Variants in RPS6KA2 observed in about 807,000 individuals in gnomAD.
RPS6KA2 encodes the protein ribosomal protein S6 kinase A2.
Under a neutral mutation model 91.8 loss-of-function variants are expected in RPS6KA2, and 42 were observed. That is an observed-to-expected ratio of 0.46 (90% CI 0.36 to 0.59). RPS6KA2 has a LOEUF of 0.59. Ranked by LOEUF, RPS6KA2 falls within the 20% of genes least tolerant of loss-of-function variation. RPS6KA2 has a pLI of 0.00. For missense variants in RPS6KA2, 798 were observed against 978.5 expected (o/e 0.82, Z 2.46); for synonymous variants, 414 against 393.6 (o/e 1.05, Z -0.61).
chr6:166,468,866 A>AAAAAAG, intron 11 of RPS6KA2, among the ~76,000 whole-genome samples: 1 of 151,684 alleles, frequency 6.6e-6, no homozygotes, highest in African/African-American at 2.4e-5. Flanking sequence ...TAAAAAAAAA[A>AAAAAAG]AAAAAAAGAA....
chr6:166,804,095 T>C (rs1022883053), intron 2 of RPS6KA2, among the ~76,000 whole-genome samples: 5 of 152,150 alleles, frequency 3.3e-5, no homozygotes, highest in African/African-American at 7.2e-5. Flanking sequence ...CCTTAATTCA[T>C]AATTCTATAA....
At chr6:166,812,337 C>A (rs1779658060) in intron 2 of RPS6KA2, among the ~76,000 whole-genome samples, 1 of 152,186 alleles carries the variant, frequency 6.6e-6, no homozygotes, top group South Asian at 2.1e-4. Context: ...GCCTGGGCGA[C>A]AGAGTGAGAC....
chr6:166,817,402 AACAC>A (rs5881717), intron 2 of RPS6KA2, among the ~76,000 whole-genome samples: 94,615 of 151,182 alleles, frequency 0.63, 30,967 homozygotes, highest in Non-Finnish European at 0.74. Flanking sequence ...CACGCATGTA[AACAC>A]ACACACACAC....
intron 1 of RPS6KA2, among the ~76,000 whole-genome samples, chr6:166,553,323 T>C (rs1784074523): frequency 6.6e-6 from 1 of 152,044 alleles, no homozygotes; most frequent in Non-Finnish European, 1.5e-5. Context: ...GTGGTCTCAC[T>C]ATGTTGCCCA....
chr6:166,568,492 C>A (rs1276156042), intron 1 of RPS6KA2, among the ~76,000 whole-genome samples: 2 of 152,024 alleles, frequency 1.3e-5, no homozygotes, highest in African/African-American at 4.8e-5. Context: ...TGGCAGGCAC[C>A]TGTAGTCCCA....
At chr6:166,521,136 T>C (rs918020427) in intron 3 of RPS6KA2, among the ~76,000 whole-genome samples, 1 of 152,242 alleles carries the variant, frequency 6.6e-6, no homozygotes, top group Non-Finnish European at 1.5e-5. Flanking sequence ...TGGCAGTGAC[T>C]GTGTGGTTCT....
At chr6:166,858,178 G>A (rs765803820) in intron 2 of RPS6KA2, 7 of 1,391,368 alleles carry the variant, frequency 5.0e-6, no homozygotes, top group Non-Finnish European at 6.2e-6. Flanking sequence ...AAAGCAGAGT[G>A]TAATAAAACG....
intron 2 of RPS6KA2, among the ~76,000 whole-genome samples, chr6:166,827,333 G>C (rs1042451161): frequency 2.7e-5 from 4 of 150,064 alleles, no homozygotes; most frequent in Non-Finnish European, 4.4e-5. Flanking sequence ...TCCAACCTCG[G>C]ACTGTAGGAA....
chr6:166,854,356 C>A (rs1780829208), intron 2 of RPS6KA2, among the ~76,000 whole-genome samples: 2 of 152,210 alleles, frequency 1.3e-5, no homozygotes, highest in Admixed American at 1.3e-4. Context: ...TGAGCTATCC[C>A]AAATGCCTTC....
intron 1 of RPS6KA2, among the ~76,000 whole-genome samples, chr6:166,605,165 C>A (rs911992771): frequency 6.6e-6 from 1 of 152,214 alleles, no homozygotes; most frequent in African/African-American, 2.4e-5. Context: ...TGCACAGGGG[C>A]CCTGGCCCCC....
intron 1 of RPS6KA2, among the ~76,000 whole-genome samples, chr6:166,556,042 A>C (rs1278256309): frequency 6.6e-6 from 1 of 152,154 alleles, no homozygotes; most frequent in Non-Finnish European, 1.5e-5. Flanking sequence ...CTGGGGTAAG[A>C]AGATGCAATT....
chr6:166,722,345 A>G (rs1790200450), intron 2 of RPS6KA2, among the ~76,000 whole-genome samples: 1 of 152,264 alleles, frequency 6.6e-6, no homozygotes, highest in African/African-American at 2.4e-5. Flanking sequence ...AAGGCGGGTC[A>G]GACACTCAAC....
At chr6:166,594,757 C>T (rs1424128173) in intron 1 of RPS6KA2, among the ~76,000 whole-genome samples, 1 of 152,134 alleles carries the variant, frequency 6.6e-6, no homozygotes, top group East Asian at 1.9e-4. Context: ...CCACTGCGCC[C>T]AGCCCAAACA....
rs544562638 is a variant in RPS6KA2 at position 166,491,587 on chromosome 6, G to A, written c.748-846C>T. 3.2e-4 allele frequency among the ~76,000 whole-genome samples: 48 copies of A among 152,268 alleles called. 1 individual carries two copies. The highest frequency in any genetic ancestry group is 3.4e-3 in the Middle Eastern group (1 of 294). On this transcript the variant is annotated intron_variant, in intron 8 of 20. Coordinates refer to ENST00000265678, the MANE Select transcript of RPS6KA2 (RefSeq NM_021135.6). ...ATCAATCCTACTCGGTGTCTTTCAC[G>A]TCAGTTTAAATTACGGGGAAGCAGG... is the stretch of plus-strand genomic sequence containing the variant.
chr6:166,502,955 C>G (rs3778431), intron 6 of RPS6KA2, among the ~76,000 whole-genome samples: 40,292 of 152,076 alleles, frequency 0.26, 8,119 homozygotes, highest in African/African-American at 0.57. Context: ...GGGGATTTTG[C>G]AATATTTACT....
rs28567430 is a variant in RPS6KA2 at position 166,467,082 on chromosome 6, C to A, written c.972+2759G>T. On this transcript the variant is annotated intron_variant, in intron 11 of 20. Transcript: ENST00000265678. ...GACTCACTGACTCATTCACTCACTC[C>A]CTCACTCATTCACTCTCTAACTCAC... Among the ~76,000 whole-genome samples the A allele has an allele frequency of 2.0e-5, 3 of 147,420 alleles. No homozygotes were observed. In the South Asian group the frequency reaches 6.6e-4, roughly 33 times the overall value.
chr6:166,680,525 G>C (rs531259852), intron 2 of RPS6KA2, among the ~76,000 whole-genome samples: 116 of 152,220 alleles, frequency 7.6e-4, no homozygotes, highest in African/African-American at 2.6e-3. Context: ...GGTCTGTGCC[G>C]CTTTTGTGAA....
At chr6:166,814,668 T>C (rs2128621338) in intron 2 of RPS6KA2, among the ~76,000 whole-genome samples, 1 of 152,306 alleles carries the variant, frequency 6.6e-6, no homozygotes, top group South Asian at 2.1e-4. Flanking sequence ...TCGCCACCTG[T>C]CAGGTCAGTG....
intron 2 of RPS6KA2, among the ~76,000 whole-genome samples, chr6:166,789,936 ACT>A (rs1779038647): frequency 6.6e-6 from 1 of 152,192 alleles, no homozygotes; most frequent in Non-Finnish European, 1.5e-5. Context: ...AAAACTGGAA[ACT>A]CTAAAAAGCA....
Sources: gnomAD v4.1 joint callset for allele counts (sites outside exome capture counted in the v4.1 genomes callset) on GRCh38, gnomAD v4.1.1 for gene constraint, MANE v1.5 for transcripts, NCBI Gene and HGNC (gene_info 2026-07-23, HGNC 2026-07-21) for gene names.